Variants in ZNF487 observed in about 807,000 individuals in gnomAD.
The protein encoded by ZNF487 is KRAB domain only 1.
Under a neutral mutation model 3.0 loss-of-function variants are expected in ZNF487, and 4 were observed. The observed-to-expected ratio is 1.35, with a 90% CI of 0.66 to 3.08. ZNF487 has a LOEUF of 3.08. ZNF487 is among the 30% of genes most tolerant of loss of function. ZNF487 has a pLI of 0.01. For synonymous variants in ZNF487, 55 were observed against 34.6 expected (o/e 1.59, Z -2.06); for missense variants, 146 against 98.7 (o/e 1.48, Z -2.03).
intron 1 of ZNF487, among the ~76,000 whole-genome samples, chr10:43,443,090 T>A (rs1210403377): frequency 4.7e-5 from 7 of 149,394 alleles, no homozygotes; most frequent in Non-Finnish European, 7.4e-5. Context: ...GAGACAGAGT[T>A]TTGCTCTTGT....
At chr10:43,519,720 C>A in the ZNF487 span, among the ~76,000 whole-genome samples, 1 of 152,194 alleles carries the variant, frequency 6.6e-6, no homozygotes, top group Non-Finnish European at 1.5e-5. Flanking sequence ...CCTATCTTGG[C>A]CTCCCAAAGT....
intron 1 of ZNF487, among the ~76,000 whole-genome samples, chr10:43,443,880 T>C (rs1430280149): frequency 7.1e-6 from 1 of 141,604 alleles, no homozygotes; most frequent in African/African-American, 2.5e-5. Flanking sequence ...GTAGACACAG[T>C]CTCTCTCTGT....
intron 1 of ZNF487, among the ~76,000 whole-genome samples, chr10:43,472,586 G>A (rs1039830016): frequency 7.2e-5 from 11 of 152,052 alleles, no homozygotes; most frequent in African/African-American, 2.2e-4. Context: ...GTTGCTAAGC[G>A]CCAATCCTCT....
At chr10:43,476,072 A>G (rs1297152591) in intron 2 of ZNF487, 35 bp from the exon 3 acceptor site, 1 of 714,658 alleles carries the variant, frequency 1.4e-6, no homozygotes, top group African/African-American at 1.8e-5. Context: ...TCCGCAGGCT[A>G]TCTGGCCCAC....
chr10:43,456,343 C>T (rs1840201048), intron 1 of ZNF487, among the ~76,000 whole-genome samples: 2 of 152,326 alleles, frequency 1.3e-5, no homozygotes, highest in South Asian at 4.1e-4. Flanking sequence ...CAGAGTTTCA[C>T]AGCAGCGGAA....
chr10:43,514,484 C>T, the ZNF487 span, among the ~76,000 whole-genome samples: 4 of 152,200 alleles, frequency 2.6e-5, no homozygotes, highest in Middle Eastern at 3.2e-3. Context: ...GTCCCTTCGA[C>T]TTAGAAATTT....
At chr10:43,498,651 G>A in the ZNF487 span, among the ~76,000 whole-genome samples, 2 of 151,598 alleles carry the variant, frequency 1.3e-5, no homozygotes, top group African/African-American at 4.8e-5. Flanking sequence ...TAAGAATGTA[G>A]GTAAATCTAG....
chr10:43,506,261 C>T, the ZNF487 span, among the ~76,000 whole-genome samples: 1 of 152,168 alleles, frequency 6.6e-6, no homozygotes, highest in Admixed American at 6.5e-5. Flanking sequence ...TGCCTATAAT[C>T]CCAGCACTTT....
At chr10:43,479,108 T>C (rs1264922356) in intron 3 of ZNF487, among the ~76,000 whole-genome samples, 1 of 85,994 alleles carries the variant, frequency 1.2e-5, no homozygotes. Context: ...CACACATATA[T>C]ACACATATAT....
At chr10:43,501,191 G>A in the ZNF487 span, among the ~76,000 whole-genome samples, 1 of 152,118 alleles carries the variant, frequency 6.6e-6, no homozygotes, top group Non-Finnish European at 1.5e-5. Flanking sequence ...AAAAGGTACA[G>A]TAAAAATATA....
the ZNF487 span, among the ~76,000 whole-genome samples, chr10:43,512,278 G>A: frequency 6.6e-6 from 1 of 152,214 alleles, no homozygotes; most frequent in South Asian, 2.1e-4. Flanking sequence ...CATGGTGGCA[G>A]GAGTGGAGAC....
upstream of ZNF487, chr10:43,436,851 C>A: frequency 2.1e-6 from 1 of 467,914 alleles, no homozygotes; most frequent in South Asian, 1.6e-5. Context: ...CGCGGCCCCG[C>A]CCCCGGACGC....
the ZNF487 span, among the ~76,000 whole-genome samples, chr10:43,511,192 T>G: frequency 6.6e-6 from 1 of 152,336 alleles, no homozygotes; most frequent in Admixed American, 6.5e-5. Flanking sequence ...TGCAAAATAT[T>G]GTCACCTAGT....
intron 1 of ZNF487, among the ~76,000 whole-genome samples, chr10:43,461,510 G>C (rs1000774166): frequency 6.6e-6 from 1 of 151,650 alleles, no homozygotes; most frequent in African/African-American, 2.4e-5. Flanking sequence ...TTTTAGAGAT[G>C]GTGTTTTGCT....
intron 1 of ZNF487, among the ~76,000 whole-genome samples, chr10:43,440,648 A>T (rs1227154334): frequency 6.7e-6 from 1 of 150,186 alleles, no homozygotes; most frequent in African/African-American, 2.4e-5. Flanking sequence ...ACAGAGTGAG[A>T]CTCTGTCTCA....
At chr10:43,450,130 G>A (rs765546688) in intron 1 of ZNF487, among the ~76,000 whole-genome samples, 7 of 152,130 alleles carry the variant, frequency 4.6e-5, no homozygotes, top group Non-Finnish European at 8.8e-5. Context: ...TGCAACCTCC[G>A]CCTCTCGGGT....
the ZNF487 span, among the ~76,000 whole-genome samples, chr10:43,517,483 T>C: frequency 1.3e-5 from 2 of 152,306 alleles, no homozygotes; most frequent in East Asian, 1.9e-4. Flanking sequence ...TCCTTTACCA[T>C]AGGGGCTTTA....
chr10:43,486,172 A>G (rs11238557), downstream of ZNF487, among the ~76,000 whole-genome samples: 1 of 152,218 alleles, frequency 6.6e-6, no homozygotes, highest in Non-Finnish European at 1.5e-5. Flanking sequence ...AAGACAGACT[A>G]TTATACTGGT....
chr10:43,446,557 CG>C (rs1564412701), intron 1 of ZNF487, among the ~76,000 whole-genome samples: 1 of 144,096 alleles, frequency 6.9e-6, no homozygotes, highest in African/African-American at 2.6e-5. Flanking sequence ...ACCTCCCAGA[CG>C]GGGCGGCCGG....
Sources: gnomAD v4.1 joint callset for allele counts (sites outside exome capture counted in the v4.1 genomes callset) on GRCh38, gnomAD v4.1.1 for gene constraint, MANE v1.5 for transcripts, NCBI Gene and HGNC (gene_info 2026-07-23, HGNC 2026-07-21) for gene names.